STPG2: variants seen among roughly 807,000 people sequenced by gnomAD.
STPG2 encodes sperm-tail PG-rich repeat-containing protein 2.
In STPG2, 56 loss-of-function variants were observed where a neutral mutation model predicts 54.2. That is an observed-to-expected ratio of 1.03 (90% CI 0.83 to 1.29). The LOEUF is 1.29. Among genes scored for constraint, STPG2 ranks in the 50% most tolerant of loss-of-function variants. The probability of loss-of-function intolerance (pLI) is 0.00; values close to 1 mark genes in which losing one functional copy is unlikely to be tolerated. For synonymous variants in STPG2, 200 were observed against 181.8 expected, an observed-to-expected ratio of 1.10 and a Z score of -0.81; for missense variants, 596 against 544.9, an observed-to-expected ratio of 1.09 and a Z score of -0.93.
intron 10 of STPG2, among the ~76,000 whole-genome samples, chr4:97,623,602 G>T (rs932375558): frequency 1.3e-5 from 2 of 152,086 alleles, no homozygotes; most frequent in Non-Finnish European, 2.9e-5. Flanking sequence ...AACCAGCGCT[G>T]GAGAGGTAGT....
At chr4:98,011,625 G>C (rs977472280) in intron 5 of STPG2, among the ~76,000 whole-genome samples, 2 of 152,108 alleles carry the variant, frequency 1.3e-5, no homozygotes, top group African/African-American at 2.4e-5. Flanking sequence ...ACCATCTGTT[G>C]TTTCTTGACT....
rs113424922 is a variant in STPG2, at chr4:98,139,357, G to A, written c.109+3685C>T. Among the ~76,000 whole-genome samples, 858 of 152,246 alleles carry A rather than the reference G, an allele frequency of 5.6e-3. 4 individuals are homozygous for A. The highest frequency in any genetic ancestry group is 0.02 in the Middle Eastern group (6 of 294). ...GAACAGCAGTTAGGAGAGAACGGTTGGAAATAAAGAGTATCTGTATCTAAG... is the reference window on the plus strand; with the variant it reads ...GAACAGCAGTTAGGAGAGAACGGTTAGAAATAAAGAGTATCTGTATCTAAG... On this transcript the variant is annotated intron_variant, in intron 1 of 10. Transcript: ENST00000295268.
intron 10 of STPG2, among the ~76,000 whole-genome samples, chr4:97,581,003 T>A (rs1052354530): frequency 6.6e-6 from 1 of 152,088 alleles, no homozygotes; most frequent in African/African-American, 2.4e-5. Flanking sequence ...TTAAGGTTTT[T>A]CATTTATTTA....
intron 10 of STPG2, among the ~76,000 whole-genome samples, chr4:97,637,836 A>G (rs1461280381): frequency 6.6e-6 from 1 of 152,208 alleles, no homozygotes; most frequent in Admixed American, 6.5e-5. Context: ...GCTCAAGGAA[A>G]TAGAAGAGGA....
At chr4:97,860,499 TTTATTTTATTTTATTTTA>T (rs1405839434) in intron 8 of STPG2, among the ~76,000 whole-genome samples, 3 of 149,126 alleles carry the variant, frequency 2.0e-5, no homozygotes, top group East Asian at 2.0e-4. Flanking sequence ...TTTATTTTAT[TTTATTTTATTTTATTTTA>T]TTATTTTATT....
intron 10 of STPG2, among the ~76,000 whole-genome samples, chr4:97,576,505 C>G (rs1270470891): frequency 6.6e-6 from 1 of 152,014 alleles, no homozygotes; most frequent in Non-Finnish European, 1.5e-5. Context: ...GGGGAAAGGA[C>G]TCCCTTTTCA....
intron 8 of STPG2, among the ~76,000 whole-genome samples, chr4:97,896,458 T>C (rs1411651038): frequency 1.3e-5 from 2 of 151,924 alleles, no homozygotes; most frequent in South Asian, 2.1e-4. Flanking sequence ...TTGCTGCAGA[T>C]GTTTAATTTG....
At chr4:97,759,614 G>A (rs1169308604) in intron 9 of STPG2, among the ~76,000 whole-genome samples, 2 of 152,106 alleles carry the variant, frequency 1.3e-5, no homozygotes, top group Admixed American at 6.6e-5. Flanking sequence ...TAGAAAAGAA[G>A]GTTGGAGGAT....
At chr4:97,545,564 A>C (rs1731817767) in intron 4 of STPG2, among the ~76,000 whole-genome samples, 1 of 152,170 alleles carries the variant, frequency 6.6e-6, no homozygotes, top group African/African-American at 2.4e-5. Context: ...AATAAGTTTC[A>C]AATCCTCAGA....
At chr4:97,910,115 T>G (rs1210124813) in intron 8 of STPG2, among the ~76,000 whole-genome samples, 2 of 152,090 alleles carry the variant, frequency 1.3e-5, no homozygotes, top group Non-Finnish European at 2.9e-5. Flanking sequence ...CCCCACCAAG[T>G]TTTGTAGAGA....
At chr4:98,094,335 G>A (rs531616350) in intron 5 of STPG2, among the ~76,000 whole-genome samples, 2 of 152,282 alleles carry the variant, frequency 1.3e-5, no homozygotes, top group Non-Finnish European at 2.9e-5. Flanking sequence ...AAGAGCCCTT[G>A]GGCCCTGAAT....
At chr4:97,899,645 T>A (rs1731099088) in intron 8 of STPG2, among the ~76,000 whole-genome samples, 1 of 151,904 alleles carries the variant, frequency 6.6e-6, no homozygotes, top group African/African-American at 2.4e-5. Flanking sequence ...CAGAACAGAA[T>A]AGAGCACCCA....
intron 4 of STPG2, among the ~76,000 whole-genome samples, chr4:97,530,377 G>A (rs1453446182): frequency 6.6e-6 from 1 of 152,184 alleles, no homozygotes; most frequent in African/African-American, 2.4e-5. Flanking sequence ...ACTGTGCGAA[G>A]GAATGAATAT....
At chr4:97,804,934 G>T (rs1727505271) in intron 9 of STPG2, among the ~76,000 whole-genome samples, 1 of 152,092 alleles carries the variant, frequency 6.6e-6, no homozygotes, top group Admixed American at 6.6e-5. Flanking sequence ...ATACCATATG[G>T]CTTAGCTGTG....
Position 97,479,447 on chromosome 4 carries a change from T to C in STPG2, c.462+233252A>G, listed in dbSNP as rs547602894. Among the ~76,000 whole-genome samples the C allele has an allele frequency of 5.3e-5, 8 of 152,060 alleles. No individual in the cohort carries two copies. The South Asian group carries it at 1.7e-3, about 32-fold the overall frequency. ...AAAGATAAGAAGCTTTCAAAATCTA[T>C]CCAAAATCCCTGATTAAAATAGTCT... is the stretch of plus-strand genomic sequence containing the variant. On this transcript the variant is annotated intron_variant, in intron 4 of 4. Transcript: ENST00000522676.
downstream of STPG2, among the ~76,000 whole-genome samples, chr4:97,556,326 A>G (rs1051389842): frequency 6.6e-6 from 1 of 152,212 alleles, no homozygotes; most frequent in East Asian, 1.9e-4. Flanking sequence ...GAGAGGAATG[A>G]GCCATCTTCC....
intron 9 of STPG2, among the ~76,000 whole-genome samples, chr4:97,742,304 T>C (rs1435790435): frequency 4.6e-5 from 7 of 151,746 alleles, no homozygotes; most frequent in East Asian, 1.9e-4. Context: ...GCATGGCACA[T>C]GTATACATAT....
chr4:97,703,112 T>C lies in STPG2; in HGVS notation c.1320+9587A>G, dbSNP rs533544972. Among the ~76,000 whole-genome samples the C allele has an allele frequency of 1.6e-3, 236 of 152,236 alleles. 1 individual carries two copies. Among genetic ancestry groups the C allele is most frequent in the African/African-American group, 5.4e-3 (226 of 41,544 alleles). ...ATGGTCAAAAGTATTAGGTATAGAC[T>C]GACTAGACTCCTTGCTTCTCACGAG... On this transcript the variant is annotated intron_variant, in intron 10 of 10. Coordinates refer to ENST00000295268, the MANE Select transcript of STPG2 (RefSeq NM_174952.3).
At chr4:97,839,580 T>C (rs540804556) in intron 9 of STPG2, among the ~76,000 whole-genome samples, 2 of 151,768 alleles carry the variant, frequency 1.3e-5, no homozygotes, top group South Asian at 2.1e-4. Flanking sequence ...GTGACCACAG[T>C]TGAGTGTAAT....
Sources: allele counts gnomAD v4.1 joint callset (sites outside exome capture counted in the v4.1 genomes callset), GRCh38; gene constraint gnomAD v4.1.1; transcripts MANE v1.5; gene names NCBI Gene and HGNC (gene_info 2026-07-23, HGNC 2026-07-21).